Variants in AP2B1 observed in about 807,000 individuals in gnomAD.
The protein encoded by AP2B1 is adaptor related protein complex 2 subunit beta 1, also known as AP-2 complex subunit beta.
AP2B1 carries 23 observed loss-of-function variants against 102.0 expected under a neutral mutation model. The observed-to-expected ratio is 0.23, with a 90% CI of 0.16 to 0.32. The LOEUF (loss-of-function observed/expected upper bound fraction) is 0.32. Ranked by LOEUF, AP2B1 falls within the 10% of genes least tolerant of loss-of-function variation. The probability of loss-of-function intolerance (pLI) is 1.00; values close to 1 mark genes in which losing one functional copy is unlikely to be tolerated. For missense variants in AP2B1, 541 were observed against 1,157.4 expected (o/e 0.47, Z 7.73); for synonymous variants, 381 against 421.2 (o/e 0.90, Z 1.17).
Position 35,599,013 on chromosome 17 carries a change from C to A in AP2B1, c.143+678C>A, listed in dbSNP as rs1163737318. ...TCAGCATGAATGAAGGCAGTGGTGC[C>A]AACCATAATGGTAGTCATTGTATTC... On this transcript the variant is annotated intron_variant, in intron 3 of 21. Transcript: ENST00000610402. Among the ~76,000 whole-genome samples the A allele has an allele frequency of 2.0e-5, 3 of 152,202 alleles. No individual in the cohort carries two copies. In the East Asian group the frequency reaches 5.8e-4, roughly 29 times the overall value.
chr17:35,656,711 G>A (rs1008278119), intron 13 of AP2B1, among the ~76,000 whole-genome samples: 4 of 151,610 alleles, frequency 2.6e-5, no homozygotes, highest in Non-Finnish European at 5.9e-5. Flanking sequence ...GTGATACCCC[G>A]TCTCTACTAA....
chr17:35,622,080 G>T (rs1024533017), intron 5 of AP2B1, among the ~76,000 whole-genome samples: 1 of 152,134 alleles, frequency 6.6e-6, no homozygotes, highest in Non-Finnish European at 1.5e-5. Flanking sequence ...ACATGGAAGG[G>T]ATTATTATTT....
chr17:35,593,067 C>A (rs1048185642), intron 1 of AP2B1, among the ~76,000 whole-genome samples: 3 of 152,086 alleles, frequency 2.0e-5, no homozygotes, highest in Non-Finnish European at 4.4e-5. Flanking sequence ...GTTTGATTCT[C>A]GTGTCTGAAC....
At chr17:35,604,194 G>A (rs975821505) in intron 3 of AP2B1, among the ~76,000 whole-genome samples, 36 of 151,990 alleles carry the variant, frequency 2.4e-4, no homozygotes, top group African/African-American at 7.7e-4. Context: ...TGCAGCCTCC[G>A]CATCCCAGGC....
chr17:35,711,978 A>G lies in AP2B1; in HGVS notation c.2626+1658A>G, dbSNP rs587641354. ...AACCCTCAGAATAAAAGACATTCAG[A>G]CAGGCATCTTTGCATATAGAAACTT... On this transcript the variant is annotated intron_variant, in intron 20 of 21. Coordinates refer to ENST00000610402, the MANE Select transcript of AP2B1 (RefSeq NM_001030006.2). Among the ~76,000 whole-genome samples, 9 of 152,324 alleles carry G rather than the reference A, an allele frequency of 5.9e-5. No homozygotes were observed. The East Asian group carries it at 1.7e-3, about 29-fold the overall frequency.
chr17:35,647,076 C>T (rs578011823), intron 12 of AP2B1, among the ~76,000 whole-genome samples: 3 of 152,104 alleles, frequency 2.0e-5, no homozygotes, highest in Admixed American at 6.5e-5. Context: ...ACTGAATTTT[C>T]TAAGTTAATA....
chr17:35,687,359 A>G (rs914307443), intron 18 of AP2B1, among the ~76,000 whole-genome samples: 8 of 152,024 alleles, frequency 5.3e-5, no homozygotes, highest in South Asian at 2.1e-4. Flanking sequence ...CGGTCAAGCA[A>G]TCCTCCCACC....
At position 35,655,329 on chromosome 17, in the gene AP2B1, C is replaced by T. The variant is rs555296306; in HGVS notation, c.1797-2270C>T. ...GCACCCTAGAAGGTTCCTCGTGTTCCTTTACTGTCAGTGTGCACACTCCAG... is the reference window on the plus strand; with the variant it reads ...GCACCCTAGAAGGTTCCTCGTGTTCTTTTACTGTCAGTGTGCACACTCCAG... On this transcript the variant is annotated intron_variant, in intron 13 of 21. Transcript: ENST00000610402. Among the ~76,000 whole-genome samples, 38 of 152,246 alleles carry T rather than the reference C, an allele frequency of 2.5e-4. 2 individuals are homozygous for T. In the South Asian group the frequency reaches 7.7e-3, roughly 31 times the overall value.
intron 3 of AP2B1, among the ~76,000 whole-genome samples, chr17:35,601,871 G>A (rs932075597): frequency 5.3e-5 from 8 of 150,700 alleles, no homozygotes; most frequent in African/African-American, 7.3e-5. Flanking sequence ...CCCGACTCCC[G>A]GGTTCAAGTG....
intron 19 of AP2B1, 92 bp from the exon 20 acceptor site, chr17:35,710,142 A>C: frequency 3.0e-5 from 25 of 834,904 alleles, no homozygotes; most frequent in Middle Eastern, 2.2e-4. Flanking sequence ...TGCAAGAGCC[A>C]GCATGCCAAA....
At chr17:35,588,388 C>T (rs1267365234) in intron 1 of AP2B1, among the ~76,000 whole-genome samples, 3 of 152,172 alleles carry the variant, frequency 2.0e-5, no homozygotes, top group Non-Finnish European at 2.9e-5. Flanking sequence ...GCGATCCTCC[C>T]GCTTCGGCCT....
intron 13 of AP2B1, among the ~76,000 whole-genome samples, chr17:35,651,812 G>T (rs1402670514): frequency 6.6e-6 from 1 of 152,134 alleles, no homozygotes; most frequent in Non-Finnish European, 1.5e-5. Flanking sequence ...ATCCAGAGGA[G>T]ATGTGAGCTT....
intron 18 of AP2B1, among the ~76,000 whole-genome samples, chr17:35,685,295 A>T (rs2075908028): frequency 6.6e-6 from 1 of 152,212 alleles, no homozygotes; most frequent in African/African-American, 2.4e-5. Context: ...GTTGGAACTA[A>T]TGTAATGGCT....
intron 14 of AP2B1, among the ~76,000 whole-genome samples, chr17:35,669,160 C>T (rs1331835732): frequency 1.1e-4 from 15 of 135,812 alleles, no homozygotes; most frequent in South Asian, 9.0e-4. Flanking sequence ...TTTTTTTTTC[C>T]GAGATGGAGT....
At chr17:35,718,054 T>A in intron 21 of AP2B1, among the ~76,000 whole-genome samples, 1 of 152,180 alleles carries the variant, frequency 6.6e-6, no homozygotes. Context: ...GAAAAACCCT[T>A]GGGATGGGAG....
intron 14 of AP2B1, among the ~76,000 whole-genome samples, chr17:35,658,236 C>T (rs1412617733): frequency 6.6e-6 from 1 of 151,096 alleles, no homozygotes; most frequent in Non-Finnish European, 1.5e-5. Flanking sequence ...TTACTTATGC[C>T]CTAATTCTGA....
At chr17:35,616,783 T>C (rs561683166) in intron 5 of AP2B1, among the ~76,000 whole-genome samples, 1 of 152,316 alleles carries the variant, frequency 6.6e-6, no homozygotes, top group African/African-American at 2.4e-5. Flanking sequence ...GAAAAGTGCT[T>C]TACAACCATG....
chr17:35,608,717 A>G (rs537451006), intron 5 of AP2B1, among the ~76,000 whole-genome samples: 8 of 152,240 alleles, frequency 5.3e-5, no homozygotes, highest in South Asian at 4.1e-4. Context: ...CTTCAGATCA[A>G]TATTTGTGGT....
At chr17:35,599,742 A>G (rs937766295) in intron 3 of AP2B1, among the ~76,000 whole-genome samples, 1 of 150,776 alleles carries the variant, frequency 6.6e-6, no homozygotes, top group Non-Finnish European at 1.5e-5. Context: ...TGTCTCTACT[A>G]AAAAAAAATA....
Sources: gnomAD v4.1 joint callset for allele counts (sites outside exome capture counted in the v4.1 genomes callset) on GRCh38, gnomAD v4.1.1 for gene constraint, MANE v1.5 for transcripts, NCBI Gene and HGNC (gene_info 2026-07-23, HGNC 2026-07-21) for gene names.